Variants in ROBO2 observed in about 807,000 individuals in gnomAD.
The protein encoded by ROBO2 is roundabout homolog 2.
ROBO2 carries 53 observed loss-of-function variants against 160.8 expected under a neutral mutation model. The ratio of observed to expected loss-of-function variants is 0.33; its 90% CI spans 0.26 to 0.41. The LOEUF (loss-of-function observed/expected upper bound fraction) is 0.41. Among genes scored for constraint, ROBO2 ranks in the 10% least tolerant of loss-of-function variants. The pLI is 1.00. For missense variants in ROBO2, 1,577 were observed against 1,722.4 expected (o/e 0.92, Z 1.49); for synonymous variants, 664 against 611.7 (o/e 1.09, Z -1.26).
At chr3:77,271,977 G>A (rs1038568392) in intron 2 of ROBO2, among the ~76,000 whole-genome samples, 1 of 152,222 alleles carries the variant, frequency 6.6e-6, no homozygotes, top group Non-Finnish European at 1.5e-5. Flanking sequence ...TCCCTGCAGA[G>A]TGTACAAAGA....
intron 2 of ROBO2, among the ~76,000 whole-genome samples, chr3:76,242,568 C>T (rs1324770976): frequency 6.6e-6 from 1 of 152,160 alleles, no homozygotes; most frequent in Non-Finnish European, 1.5e-5. Flanking sequence ...AAGCATGTTC[C>T]CAAATAAATC....
Position 76,816,651 on chromosome 3 carries a change from A to T in ROBO2, c.110-281363A>T, listed in dbSNP as rs1258642703. Among the ~76,000 whole-genome samples the T allele has an allele frequency of 4.6e-5, 7 of 152,024 alleles. No homozygotes were observed. In the South Asian group the frequency reaches 1.5e-3, roughly 32 times the overall value. On this transcript the variant is annotated intron_variant, in intron 2 of 26. Coordinates refer to the ROBO2 transcript ENST00000487694. ...CACTGTCTTCCACAACTATTGTGGA[A>T]GACAGTGTGGCAATTCCTCAAGGAT...
intron 2 of ROBO2, among the ~76,000 whole-genome samples, chr3:76,029,102 A>C (rs969360147): frequency 6.6e-6 from 1 of 152,100 alleles, no homozygotes; most frequent in African/African-American, 2.4e-5. Flanking sequence ...CAGTTTAGCT[A>C]AAAGTAGGGG....
intron 2 of ROBO2, among the ~76,000 whole-genome samples, chr3:76,711,430 G>C (rs1257191606): frequency 6.6e-6 from 1 of 152,168 alleles, no homozygotes; most frequent in Non-Finnish European, 1.5e-5. Context: ...TGGGTGCACA[G>C]AGCCAAACCG....
chr3:76,999,182 A>C (rs1222800602), intron 2 of ROBO2, among the ~76,000 whole-genome samples: 1 of 151,876 alleles, frequency 6.6e-6, no homozygotes, highest in Non-Finnish European at 1.5e-5. Flanking sequence ...AAAATGAGTA[A>C]TGATCTTGAA....
chr3:76,261,238 C>A (rs987317615), intron 2 of ROBO2, among the ~76,000 whole-genome samples: 6 of 148,046 alleles, frequency 4.1e-5, no homozygotes, highest in Non-Finnish European at 9.0e-5. Context: ...CCTATGAATT[C>A]TAATATAAAG....
intron 2 of ROBO2, among the ~76,000 whole-genome samples, chr3:76,459,456 T>G (rs547523619): frequency 6.6e-6 from 1 of 152,306 alleles, no homozygotes; most frequent in South Asian, 2.1e-4. Context: ...AAGTACCTTT[T>G]TTATATGAAA....
At chr3:76,295,933 C>T (rs1408361440) in intron 2 of ROBO2, among the ~76,000 whole-genome samples, 1 of 152,138 alleles carries the variant, frequency 6.6e-6, no homozygotes, top group Non-Finnish European at 1.5e-5. Flanking sequence ...ACTCCACCCT[C>T]CCCACGTACA....
rs72898528 is a variant in ROBO2, at chr3:76,393,168, C to T, written c.109+455566C>T. On this transcript the variant is annotated intron_variant, in intron 2 of 26. Coordinates refer to the ROBO2 transcript ENST00000487694. ...TCATCATGGGAGCTTGTTAAAAATA[C>T]AGATGTCCAGGCTGCATCCAAGACC... Among the ~76,000 whole-genome samples, 1,096 of 152,158 alleles carry T rather than the reference C, an allele frequency of 7.2e-3. 17 individuals are homozygous for T. The highest frequency in any genetic ancestry group is 0.025 in the African/African-American group (1,048 of 41,540).
At position 75,943,604 on chromosome 3, in the gene ROBO2, G is replaced by T. The variant is rs1281091008; in HGVS notation, c.109+6002G>T. ...TATCTCTCTGCCTATATGTAAAGAGGAATAGAAATAATTGGTATAAACAGG... is the reference window on the plus strand; with the variant it reads ...TATCTCTCTGCCTATATGTAAAGAGTAATAGAAATAATTGGTATAAACAGG... On this transcript the variant is annotated intron_variant, in intron 2 of 26. Coordinates refer to the ROBO2 transcript ENST00000487694. Among the ~76,000 whole-genome samples, 6 of 152,286 alleles carry T rather than the reference G, an allele frequency of 3.9e-5. No homozygotes were observed. The South Asian group carries it at 8.3e-4, about 21-fold the overall frequency.
rs1560251405 is a variant in ROBO2, at chr3:76,622,216, AAGGAAGGAAGG to A, written c.110-475796_110-475786del. Among the ~76,000 whole-genome samples, 21 of 46,082 alleles carry A rather than the reference AAGGAAGGAAGG, an allele frequency of 4.6e-4. 1 individual carries two copies. The highest frequency in any genetic ancestry group is 2.1e-3 in the African/African-American group (21 of 10,118). 30.2% of individuals were successfully genotyped at this position (46,082 alleles called of 152,430 possible). A position where few individuals can be genotyped will look rare whatever the true frequency, so the allele number is the denominator to read the frequency against. ...AAAGGAAGGAAGGAAGGAAGGAAGG[AAGGAAGGAAGG>A]AAGGAAGGAAGAAAGAAAGAAAGAA... On this transcript the variant is annotated intron_variant, in intron 2 of 26. Transcript: ENST00000487694.
At chr3:77,572,418 G>A (rs1050114125) in intron 13 of ROBO2, among the ~76,000 whole-genome samples, 4 of 151,844 alleles carry the variant, frequency 2.6e-5, no homozygotes, top group Admixed American at 2.0e-4. Context: ...TTCAAAGAAT[G>A]TATCCAATGG....
At chr3:75,937,689 T>G (rs1947848405) in intron 2 of ROBO2, 1 of 782,400 alleles carries the variant, frequency 1.3e-6, no homozygotes, top group African/African-American at 1.7e-5. Context: ...GTTCGACGTT[T>G]AAGCAATTTG....
chr3:76,351,639 C>T (rs925055282), intron 2 of ROBO2, among the ~76,000 whole-genome samples: 2 of 151,860 alleles, frequency 1.3e-5, no homozygotes, highest in Non-Finnish European at 2.9e-5. Flanking sequence ...TTTCATGAGG[C>T]TTATGTTTCC....
intron 2 of ROBO2, among the ~76,000 whole-genome samples, chr3:77,281,752 G>A (rs1366567430): frequency 1.3e-5 from 2 of 152,182 alleles, no homozygotes; most frequent in Non-Finnish European, 2.9e-5. Flanking sequence ...TGCAGGGGAA[G>A]GAAGGATGGT....
intron 2 of ROBO2, among the ~76,000 whole-genome samples, chr3:76,026,878 G>A (rs991001341): frequency 2.6e-5 from 4 of 151,818 alleles, no homozygotes; most frequent in Admixed American, 1.3e-4. Context: ...AGTCATTTGG[G>A]GAAGACATTT....
At chr3:77,597,478 A>G (rs2094333665) in intron 19 of ROBO2, among the ~76,000 whole-genome samples, 1 of 152,034 alleles carries the variant, frequency 6.6e-6, no homozygotes, top group Admixed American at 6.6e-5. Flanking sequence ...TCAATAGGAG[A>G]GAGCTGGGTT....
intron 2 of ROBO2, among the ~76,000 whole-genome samples, chr3:77,194,011 A>T (rs1323896388): frequency 6.6e-6 from 1 of 152,186 alleles, no homozygotes; most frequent in African/African-American, 2.4e-5. Context: ...TTCCCACACA[A>T]CTGTCAAAAT....
intron 2 of ROBO2, among the ~76,000 whole-genome samples, chr3:77,167,939 C>G (rs912184556): frequency 3.3e-5 from 5 of 152,150 alleles, no homozygotes; most frequent in Non-Finnish European, 7.4e-5. Context: ...AGGCAAAAAT[C>G]TGAGCTTGTA....
Sources: gnomAD v4.1 joint callset for allele counts (sites outside exome capture counted in the v4.1 genomes callset) on GRCh38, gnomAD v4.1.1 for gene constraint, MANE v1.5 for transcripts, NCBI Gene and HGNC (gene_info 2026-07-23, HGNC 2026-07-21) for gene names.